CCDC73: variants seen among roughly 807,000 people sequenced by gnomAD.
CCDC73 encodes the protein coiled-coil domain containing 73.
CCDC73 carries 95 observed loss-of-function variants against 116.5 expected under a neutral mutation model. That is an observed-to-expected ratio of 0.82 (90% CI 0.69 to 0.97). The LOEUF (loss-of-function observed/expected upper bound fraction) is 0.97. Ranked by LOEUF, CCDC73 falls within the 50% of genes least tolerant of loss-of-function variation. CCDC73 has a pLI of 0.00. For synonymous variants in CCDC73, 398 were observed against 401.3 expected, an observed-to-expected ratio of 0.99 and a Z score of 0.10; for missense variants, 1,066 against 1,206.8, an observed-to-expected ratio of 0.88 and a Z score of 1.73.
intron 3 of CCDC73, among the ~76,000 whole-genome samples, chr11:32,713,767 A>T (rs1849921759): frequency 6.6e-6 from 1 of 152,052 alleles, no homozygotes; most frequent in African/African-American, 2.4e-5. Context: ...GGACAAACTG[A>T]ACATTATATT....
At chr11:32,784,325 G>A (rs1163446801) in intron 1 of CCDC73, among the ~76,000 whole-genome samples, 8 of 107,382 alleles carry the variant, frequency 7.5e-5, no homozygotes, top group South Asian at 3.5e-4. Context: ...GTGAAAGTCC[G>A]TCTCAAAAAA....
At chr11:32,733,180 A>C (rs535622151) in intron 2 of CCDC73, among the ~76,000 whole-genome samples, 2 of 152,364 alleles carry the variant, frequency 1.3e-5, no homozygotes, top group East Asian at 3.8e-4. Flanking sequence ...GAAGGCCATT[A>C]TATAATGGCA....
chr11:32,714,203 T>C (rs1849924884), intron 3 of CCDC73, among the ~76,000 whole-genome samples: 1 of 152,118 alleles, frequency 6.6e-6, no homozygotes, highest in South Asian at 2.1e-4. Context: ...TGGCACACTG[T>C]ATCTGACACT....
At chr11:32,651,952 C>CAGG in intron 12 of CCDC73, among the ~76,000 whole-genome samples, 1 of 152,220 alleles carries the variant, frequency 6.6e-6, no homozygotes. Context: ...CAGTGGCTTA[C>CAGG]AGGGCAGTTC....
At chr11:32,684,568 A>G (rs1856176595) in intron 6 of CCDC73, among the ~76,000 whole-genome samples, 1 of 152,172 alleles carries the variant, frequency 6.6e-6, no homozygotes, top group Non-Finnish European at 1.5e-5. Context: ...GGTTTACTGA[A>G]TTGAGTCTTT....
At chr11:32,650,900 A>C (rs1269254886) in intron 12 of CCDC73, among the ~76,000 whole-genome samples, 1 of 152,218 alleles carries the variant, frequency 6.6e-6, no homozygotes, top group Non-Finnish European at 1.5e-5. Context: ...GTGCTACTAA[A>C]GGTACTAAAA....
Position 32,745,745 on chromosome 11 carries a change from GTT to G in CCDC73, c.135+14362_135+14363del, listed in dbSNP as rs140610634. The stretch of plus-strand genomic sequence containing the variant: ...TTTTTTTGTTTGTTTGTTTGTTTTG[GTT>G]TTTTTTTTTTTTTTGCTTTCCATTT... On this transcript the variant is annotated intron_variant, in intron 2 of 17. Coordinates refer to ENST00000335185, the MANE Select transcript of CCDC73 (RefSeq NM_001008391.4). Among the ~76,000 whole-genome samples, 716 of 113,898 alleles carry G rather than the reference GTT, an allele frequency of 6.3e-3. 4 individuals are homozygous for G. Among genetic ancestry groups the G allele is most frequent in the African/African-American group, 0.022 (645 of 29,710 alleles). The allele number at this position is 113,898 out of a possible 152,430, so 74.7% of individuals were successfully genotyped here.
chr11:32,804,092 G>A, the CCDC73 span, among the ~76,000 whole-genome samples: 1 of 151,858 alleles, frequency 6.6e-6, no homozygotes, highest in Non-Finnish European at 1.5e-5. Context: ...TTACAGGCTT[G>A]AGCCACCACA....
At chr11:32,650,283 G>A (rs370452009) in intron 12 of CCDC73, among the ~76,000 whole-genome samples, 13 of 152,242 alleles carry the variant, frequency 8.5e-5, no homozygotes, top group East Asian at 7.7e-4. Flanking sequence ...TTAGAATCAC[G>A]ACAGATTTAA....
intron 14 of CCDC73, among the ~76,000 whole-genome samples, chr11:32,618,693 C>A (rs780376021): frequency 5.9e-5 from 9 of 152,130 alleles, no homozygotes; most frequent in Non-Finnish European, 8.8e-5. Flanking sequence ...GTTGGGAGTA[C>A]AGGAATGTGC....
chr11:32,641,859 T>C, intron 13 of CCDC73, 113 bp downstream of exon 13: 2 of 814,230 alleles, frequency 2.5e-6, no homozygotes, highest in Non-Finnish European at 3.3e-6. Flanking sequence ...GAAAAAAATG[T>C]GTCTGATTTT....
intron 3 of CCDC73, among the ~76,000 whole-genome samples, chr11:32,703,292 T>C (rs893922742): frequency 1.3e-5 from 2 of 152,134 alleles, no homozygotes; most frequent in Admixed American, 1.3e-4. Context: ...TTTGCCATGT[T>C]GCCCAGGCTA....
chr11:32,742,116 C>T (rs1850193095), intron 2 of CCDC73, among the ~76,000 whole-genome samples: 1 of 152,180 alleles, frequency 6.6e-6, no homozygotes, highest in East Asian at 1.9e-4. Context: ...CCGCAATAAA[C>T]ATACGTGTGC....
chr11:32,830,487 A>G, the CCDC73 span: 3 of 1,406,690 alleles, frequency 2.1e-6, no homozygotes, highest in South Asian at 1.6e-5. Flanking sequence ...TTTTTTTAAT[A>G]TTTTTTTTTG....
At chr11:32,829,646 G>A in the CCDC73 span, 51,215 of 593,652 alleles carry the variant, frequency 0.086, 2,312 homozygotes, top group Non-Finnish European at 0.091. Flanking sequence ...AGGGCGCTCT[G>A]CTTAAGACTG....
chr11:32,803,526 A>G, the CCDC73 span, among the ~76,000 whole-genome samples: 1 of 152,244 alleles, frequency 6.6e-6, no homozygotes, highest in Non-Finnish European at 1.5e-5. Context: ...AGTCAATTCC[A>G]TAAGGGAACA....
chr11:32,778,825 C>T (rs11031977), intron 1 of CCDC73, among the ~76,000 whole-genome samples: 30 of 151,760 alleles, frequency 2.0e-4, no homozygotes, highest in Non-Finnish European at 4.1e-4. Flanking sequence ...TCAGAGAAAA[C>T]GGATGCTAAA....
upstream of CCDC73, among the ~76,000 whole-genome samples, chr11:32,796,991 G>A (rs1156698203): frequency 7.9e-6 from 1 of 126,686 alleles, no homozygotes; most frequent in Non-Finnish European, 1.6e-5. Context: ...CAGCCTGGGT[G>A]ACAGACTGAG....
rs577256855 is a variant in CCDC73 at position 32,614,395 on chromosome 11, T to G, written c.1923A>C (p.Pro641=). 2 of 1,613,364 alleles carry G rather than the reference T, an allele frequency of 1.2e-6. No individual in the cohort carries two copies. The highest frequency in any genetic ancestry group is 1.7e-6 in the Non-Finnish European group (2 of 1,179,610). ...SSLDIKKNPV[P]CQKYSLRNSS... ...AATTCCGTAAACTATATTTCTGACATGGAACAGGATTTTTTTTTATATCTA... is the reference window on the plus strand; with the variant it reads ...AATTCCGTAAACTATATTTCTGACAGGGAACAGGATTTTTTTTTATATCTA... Residue 641 remains proline, a synonymous_variant, in exon 16 of 18, where the codon CCA becomes CCC. Coordinates refer to ENST00000335185, the MANE Select transcript of CCDC73 (RefSeq NM_001008391.4).
Sources: gnomAD v4.1 joint callset for allele counts (sites outside exome capture counted in the v4.1 genomes callset) on GRCh38, gnomAD v4.1.1 for gene constraint, MANE v1.5 for transcripts, NCBI Gene and HGNC (gene_info 2026-07-23, HGNC 2026-07-21) for gene names.